Variants in TEAD1 observed in about 807,000 individuals in gnomAD.
The protein encoded by TEAD1 is transcriptional enhancer factor TEF-1.
TEAD1 carries 9 observed loss-of-function variants against 54.9 expected under a neutral mutation model. The ratio of observed to expected loss-of-function variants is 0.16; its 90% confidence interval spans 0.10 to 0.29. The LOEUF is 0.29. Ranked by LOEUF, TEAD1 falls within the 10% of genes least tolerant of loss-of-function variation. The pLI, the probability that TEAD1 is intolerant of heterozygous loss-of-function variation, is 1.00. For synonymous variants in TEAD1, 200 were observed against 187.8 expected, an observed-to-expected ratio of 1.07 and a Z score of -0.53; for missense variants, 387 against 535.9, an observed-to-expected ratio of 0.72 and a Z score of 2.74.
intron 10 of TEAD1, among the ~76,000 whole-genome samples, chr11:12,924,109 T>A (rs187545157): frequency 6.6e-6 from 1 of 152,184 alleles, no homozygotes; most frequent in Admixed American, 6.5e-5. Context: ...ATTTCCAAAC[T>A]CCCAGTCTGA....
chr11:12,868,593 G>T (rs148675363), intron 5 of TEAD1, among the ~76,000 whole-genome samples: 1 of 152,202 alleles, frequency 6.6e-6, no homozygotes, highest in African/African-American at 2.4e-5. Flanking sequence ...CTAATTGGCA[G>T]TTGTTCTCAA....
chr11:12,686,174 T>C (rs1943329405), intron 2 of TEAD1, among the ~76,000 whole-genome samples: 1 of 152,226 alleles, frequency 6.6e-6, no homozygotes, highest in Non-Finnish European at 1.5e-5. Context: ...TGTCCCAGTT[T>C]GGATGATAAA....
chr11:12,694,400 T>G (rs1943534215), intron 2 of TEAD1, among the ~76,000 whole-genome samples: 1 of 149,596 alleles, frequency 6.7e-6, no homozygotes, highest in African/African-American at 2.5e-5. Context: ...ATATACAGGG[T>G]CCTCTTTTTT....
intron 11 of TEAD1, among the ~76,000 whole-genome samples, 172 bp from the exon 12 acceptor site, chr11:12,930,002 A>G (rs1163306055): frequency 6.6e-6 from 1 of 152,216 alleles, no homozygotes; most frequent in African/African-American, 2.4e-5. Context: ...TTCTATGTAT[A>G]GCAATAAATT....
intron 10 of TEAD1, among the ~76,000 whole-genome samples, chr11:12,909,640 A>C (rs1213030966): frequency 1.3e-5 from 2 of 152,168 alleles, no homozygotes; most frequent in Non-Finnish European, 2.9e-5. Flanking sequence ...TATCCCAGAA[A>C]TTGAAGCAAA....
At chr11:12,846,928 C>T (rs1365407950) in intron 3 of TEAD1, among the ~76,000 whole-genome samples, 1 of 152,174 alleles carries the variant, frequency 6.6e-6, no homozygotes, top group African/African-American at 2.4e-5. Context: ...GTGCTTGTGG[C>T]TTCCTCTTTG....
rs1292028678 is a variant in TEAD1, at chr11:12,674,848, C to CGGGGCGGATGCTGGGGTGCGG, written c.-208+21_-208+41dup. On this transcript the variant is annotated intron_variant, in intron 1 of 12. Transcript: ENST00000527636. ...CCCTGGGCCGAGGTAAGTTGGCGCG[C>CGGGGCGGATGCTGGGGTGCGG]GGGGCGGATGCTGGGGTGCGGGGGG... 1.4e-5 allele frequency: 2 copies of CGGGGCGGATGCTGGGGTGCGG among 142,734 alleles called. No individual in the cohort carries two copies. Among genetic ancestry groups the CGGGGCGGATGCTGGGGTGCGG allele is most frequent in the Non-Finnish European group, 3.1e-5 (2 of 64,964 alleles). The allele number at this position is 142,734 out of a possible 1,614,324, so 8.8% of individuals were successfully genotyped here. A position where few individuals can be genotyped will look rare whatever the true frequency, so the allele number is the denominator to read the frequency against.
At chr11:12,839,724 A>G (rs1372063601) in intron 3 of TEAD1, among the ~76,000 whole-genome samples, 2 of 152,160 alleles carry the variant, frequency 1.3e-5, no homozygotes, top group South Asian at 2.1e-4. Flanking sequence ...ACTTCGCGTA[A>G]TGGAAGGGTT....
intron 2 of TEAD1, among the ~76,000 whole-genome samples, chr11:12,696,521 T>G (rs1943586459): frequency 6.6e-6 from 1 of 152,198 alleles, no homozygotes; most frequent in Non-Finnish European, 1.5e-5. Context: ...GGGAATAGTC[T>G]CATTTCCTGA....
intron 2 of TEAD1, among the ~76,000 whole-genome samples, chr11:12,755,931 A>G (rs1031210250): frequency 1.8e-4 from 27 of 152,180 alleles, no homozygotes; most frequent in Admixed American, 6.5e-5. Context: ...CTCAATGGCT[A>G]ACAGATTCAT....
At chr11:12,809,891 A>G (rs911245055) in intron 3 of TEAD1, among the ~76,000 whole-genome samples, 5 of 151,882 alleles carry the variant, frequency 3.3e-5, no homozygotes, top group African/African-American at 9.7e-5. Flanking sequence ...TTCCTGAGGC[A>G]TGAAGGAGGC....
intron 3 of TEAD1, among the ~76,000 whole-genome samples, chr11:12,836,803 C>G (rs1257980810): frequency 6.6e-6 from 1 of 152,166 alleles, no homozygotes; most frequent in Non-Finnish European, 1.5e-5. Flanking sequence ...GGTAAACTTT[C>G]ACTGCATCAC....
intron 2 of TEAD1, among the ~76,000 whole-genome samples, chr11:12,729,840 G>A (rs1944384694): frequency 6.6e-6 from 1 of 152,222 alleles, no homozygotes; most frequent in African/African-American, 2.4e-5. Flanking sequence ...CTCAAGGCAT[G>A]TTGCTCTCCT....
chr11:12,885,810 A>ATT (rs1263006979), intron 9 of TEAD1, among the ~76,000 whole-genome samples: 12 of 152,066 alleles, frequency 7.9e-5, no homozygotes, highest in Non-Finnish European at 1.2e-4. Flanking sequence ...TGTTGTTAGT[A>ATT]TTTGTTGGGC....
intron 9 of TEAD1, among the ~76,000 whole-genome samples, chr11:12,885,554 T>A (rs762994449): frequency 1.3e-5 from 2 of 152,108 alleles, no homozygotes; most frequent in Non-Finnish European, 2.9e-5. Context: ...GTCTTTTCAG[T>A]CTGAATATCT....
At chr11:12,891,673 A>G (rs576897428) in intron 9 of TEAD1, among the ~76,000 whole-genome samples, 83 of 152,362 alleles carry the variant, frequency 5.4e-4, no homozygotes, top group South Asian at 3.1e-3. Context: ...AGGAAAGCTC[A>G]GAGAGTTTAA....
intron 3 of TEAD1, among the ~76,000 whole-genome samples, chr11:12,794,946 C>G (rs1945884630): frequency 6.6e-6 from 1 of 152,228 alleles, no homozygotes; most frequent in Admixed American, 6.5e-5. Context: ...TCACCTGATT[C>G]AGTCTCATGC....
At chr11:12,867,281 C>A (rs771794996) in intron 5 of TEAD1, among the ~76,000 whole-genome samples, 35 of 152,172 alleles carry the variant, frequency 2.3e-4, no homozygotes, top group Middle Eastern at 3.2e-3. Flanking sequence ...TAAACTGTCA[C>A]CCCTCACAGT....
chr11:12,761,443 C>A (rs1253577857), intron 2 of TEAD1, among the ~76,000 whole-genome samples: 4 of 152,192 alleles, frequency 2.6e-5, no homozygotes, highest in Non-Finnish European at 5.9e-5. Context: ...ATCTTCCCAT[C>A]TTTGGGCTGT....
Sources: allele counts gnomAD v4.1 joint callset (sites outside exome capture counted in the v4.1 genomes callset), GRCh38; gene constraint gnomAD v4.1.1; transcripts MANE v1.5; gene names NCBI Gene and HGNC (gene_info 2026-07-23, HGNC 2026-07-21).